ICE1: variants seen among roughly 807,000 people sequenced by gnomAD.
The protein encoded by ICE1 is interactor of little elongation complex ELL subunit 1, also known as little elongation complex subunit 1.
A neutral mutation model predicts 192.7 loss-of-function variants in ICE1; 64 were observed. The observed-to-expected ratio is 0.33, with a 90% CI of 0.27 to 0.41. The LOEUF (loss-of-function observed/expected upper bound fraction) is 0.41, where lower values mean the gene tolerates loss of function less well. Ranked by LOEUF, ICE1 falls within the 10% of genes least tolerant of loss-of-function variation. The pLI is 1.00. For synonymous variants in ICE1, 1,010 were observed against 984.5 expected (o/e 1.03, Z -0.49); for missense variants, 2,708 against 2,696.0 (o/e 1.00, Z -0.10).
chr5:5,466,372 A>G lies in ICE1; in HGVS notation c.5931A>G (p.Glu1977=). The G allele has an allele frequency of 1.2e-6, 2 of 1,612,642 alleles. No individual in the cohort carries two copies. Among genetic ancestry groups the G allele is most frequent in the Non-Finnish European group, 1.7e-6 (2 of 1,179,476 alleles). ...GCTTGCTTCACTCTATTCTCTCAGA[A>G]CTAAAAATTCAGAAGATATCTATGG... ...AECLLHSILS[E]LKIQKISMDH... Residue 1977 remains glutamate, a synonymous_variant, in exon 14 of 19, where the codon GAA becomes GAG. Transcript: ENST00000296564.
chr5:5,438,115 G>A (rs1737926150), intron 3 of ICE1, among the ~76,000 whole-genome samples: 1 of 152,240 alleles, frequency 6.6e-6, no homozygotes, highest in Non-Finnish European at 1.5e-5. Context: ...AATCATGGCA[G>A]AAGGGGAAGC....
At chr5:5,427,225 T>TA (rs767210078) in intron 1 of ICE1, among the ~76,000 whole-genome samples, 3 of 152,242 alleles carry the variant, frequency 2.0e-5, no homozygotes, top group Non-Finnish European at 2.9e-5. Flanking sequence ...TCTGTTTTGT[T>TA]ACGCTCATTG....
At chr5:5,441,361 T>C (rs1481379185) in intron 5 of ICE1, 138 bp downstream of exon 5, 10 of 604,358 alleles carry the variant, frequency 1.7e-5, no homozygotes, top group Non-Finnish European at 3.0e-6. Flanking sequence ...TTATTAGCTT[T>C]AGAGAACATT....
At position 5,441,275 on chromosome 5, in the gene ICE1, C is replaced by T. The variant is rs1255779378; in HGVS notation, c.309+52C>T. 6.8e-6 allele frequency: 8 copies of T among 1,173,770 alleles called. No individual in the cohort carries two copies. The African/African-American group carries it at 1.2e-4, about 18-fold the overall frequency. 72.7% of individuals were successfully genotyped at this position (1,173,770 alleles called of 1,614,324 possible). On this transcript the variant is annotated intron_variant, in intron 5 of 18. Coordinates refer to ENST00000296564, the MANE Select transcript of ICE1 (RefSeq NM_015325.3). ...TTTACGGTCAATAAATTAGGATGAG[C>T]TTATTCGGTATAATTGGGACGAGGG...
intron 15 of ICE1, among the ~76,000 whole-genome samples, chr5:5,470,410 G>C (rs919892224): frequency 6.6e-6 from 1 of 152,138 alleles, no homozygotes; most frequent in Admixed American, 6.5e-5. Context: ...TGGTTAAAAA[G>C]ACATTACTTA....
intron 11 of ICE1, 116 bp from the exon 12 acceptor site, chr5:5,457,216 G>C (rs1343239702): frequency 9.9e-7 from 1 of 1,008,182 alleles, no homozygotes; most frequent in East Asian, 2.7e-5. Flanking sequence ...AAATTACTTG[G>C]ACTTAATATT....
chr5:5,476,563 G>A (rs1004263), intron 17 of ICE1, among the ~76,000 whole-genome samples: 106,979 of 151,914 alleles, frequency 0.7, 38,170 homozygotes, highest in East Asian at 0.87. Flanking sequence ...GGAGCTTTCA[G>A]TCATGGTTGC....
chr5:5,434,621 C>G lies in ICE1; in HGVS notation c.85-1797C>G, dbSNP rs139438000. ...CAGCAACATAAAGATAGTACTCATG[C>G]TAGTGGTAAAAACAAATTAAGCTAG... On this transcript the variant is annotated intron_variant, in intron 1 of 18. Transcript: ENST00000296564. Among the ~76,000 whole-genome samples, 354 of 152,200 alleles carry G rather than the reference C, an allele frequency of 2.3e-3. 1 individual carries two copies. The highest frequency in any genetic ancestry group is 8.3e-3 in the African/African-American group (343 of 41,528).
chr5:5,478,400 C>T (rs1021413036), intron 17 of ICE1, among the ~76,000 whole-genome samples: 1 of 152,134 alleles, frequency 6.6e-6, no homozygotes, highest in East Asian at 1.9e-4. Flanking sequence ...ATAAAACTTA[C>T]AAGGGATGTG....
At chr5:5,424,672 G>A (rs536329314) in intron 1 of ICE1, among the ~76,000 whole-genome samples, 523 of 152,292 alleles carry the variant, frequency 3.4e-3, no homozygotes, top group Non-Finnish European at 5.7e-3. Context: ...GTGAGGACTA[G>A]GCCAGTGGCT....
intron 16 of ICE1, 89 bp downstream of exon 16, chr5:5,473,837 T>C: frequency 1.1e-6 from 1 of 938,938 alleles, no homozygotes; most frequent in African/African-American, 1.7e-5. Context: ...ATTTTTGTCG[T>C]TTAAGTGTGT....
chr5:5,468,142 G>A (rs1488045878), intron 14 of ICE1, among the ~76,000 whole-genome samples: 1 of 152,234 alleles, frequency 6.6e-6, no homozygotes, highest in Non-Finnish European at 1.5e-5. Context: ...GCTGAGTGGG[G>A]AAGCCAGACA....
chr5:5,475,992 A>G lies in ICE1; in HGVS notation c.6433A>G (p.Met2145Val). The change falls in exon 17 of 19, where the codon ATG becomes GTG. Residue 2145 changes from methionine to valine, a missense_variant. Met to Val is a conservative substitution (Grantham distance 21). Around this residue, in one of 2 missense-constraint regions of ICE1, gnomAD observed 342 missense variants for 419.3 expected, o/e 0.82. Coordinates refer to ENST00000296564, the MANE Select transcript of ICE1 (RefSeq NM_015325.3). Reference protein sequence around the residue: ...NIISKELWPVMDKWIKYRKGH... With the variant: ...NIISKELWPVVDKWIKYRKGH... ...TTATAGTAAGGAGCTGTGGCCTGTG[A>G]TGGATAAATGGATAAAATACAGAAA... is the stretch of plus-strand genomic sequence containing the variant. 1 of 1,609,798 alleles carries G rather than the reference A, an allele frequency of 6.2e-7. No individual in the cohort carries two copies. Among genetic ancestry groups the G allele is most frequent in the Non-Finnish European group, 8.5e-7 (1 of 1,176,930 alleles).
chr5:5,434,816 G>A (rs143156651), intron 1 of ICE1, among the ~76,000 whole-genome samples: 100 of 152,188 alleles, frequency 6.6e-4, no homozygotes, highest in African/African-American at 2.2e-3. Flanking sequence ...TTACCAATAT[G>A]TTTATTTTAG....
rs901660503 is a variant in ICE1, at chr5:5,474,166, T to C, written c.6413+418T>C. On this transcript the variant is annotated intron_variant, in intron 16 of 18. Coordinates refer to ENST00000296564, the MANE Select transcript of ICE1 (RefSeq NM_015325.3). ...CAGAGCTTGCAGTGAGCGGAGATTG[T>C]GCCACTGCACTCCAGCCTGGGTGAC... Among the ~76,000 whole-genome samples the C allele has an allele frequency of 2.0e-5, 3 of 150,400 alleles. No individual in the cohort carries two copies. In the South Asian group the frequency reaches 6.3e-4, roughly 31 times the overall value.
intron 2 of ICE1, 32 bp downstream of exon 2, chr5:5,436,508 T>G: frequency 7.7e-7 from 1 of 1,301,708 alleles, no homozygotes; most frequent in Non-Finnish European, 1.0e-6. Flanking sequence ...TTGGCAGAAC[T>G]TTGTAAACCT....
At chr5:5,460,081 G>C (rs1302827789) in intron 12 of ICE1, among the ~76,000 whole-genome samples, 1 of 152,156 alleles carries the variant, frequency 6.6e-6, no homozygotes, top group Non-Finnish European at 1.5e-5. Context: ...CAGCAACCTG[G>C]GTCAGAGCCT....
In ICE1 at chr5:5,441,182, G is replaced by A; in HGVS notation, c.268G>A (p.Glu90Lys). ...QKISPLQKCQ[E>K]ELGSLKAELE... ...AATTTCTCCTCTACAGAAATGTCAGGAAGAACTGGGATCTTTAAAAGCAGA... is the reference window on the plus strand; with the variant it reads ...AATTTCTCCTCTACAGAAATGTCAGAAAGAACTGGGATCTTTAAAAGCAGA... Residue 90 changes from glutamate (E) to lysine (K), a missense_variant, in exon 5 of 19, where the codon GAA becomes AAA. Around this residue, in one of 2 missense-constraint regions of ICE1, gnomAD observed 2,366 missense variants for 2,276.6 expected, o/e 1.04. Coordinates refer to ENST00000296564, the MANE Select transcript of ICE1 (RefSeq NM_015325.3). 6.4e-7 allele frequency: 1 copy of A among 1,563,976 alleles called. No homozygotes were observed. Among genetic ancestry groups the A allele is most frequent in the Non-Finnish European group, 8.7e-7 (1 of 1,152,894 alleles).
chr5:5,443,062 T>G, intron 5 of ICE1, 106 bp from the exon 6 acceptor site: 1 of 621,082 alleles, frequency 1.6e-6, no homozygotes. Context: ...TTTTTCTGCC[T>G]AATGTCTGTT....
Sources: allele counts gnomAD v4.1 joint callset (sites outside exome capture counted in the v4.1 genomes callset), GRCh38; gene constraint gnomAD v4.1.1; regional missense constraint gnomAD v4.1.1; transcripts MANE v1.5; gene names NCBI Gene and HGNC (gene_info 2026-07-23, HGNC 2026-07-21).